The following DOCK1 variants were observed in gnomAD, a reference collection of about 807,000 sequenced individuals.
The protein encoded by DOCK1 is dedicator of cytokinesis 1, also known as dedicator of cytokinesis protein 1.
Under a neutral mutation model 262.7 loss-of-function variants are expected in DOCK1, and 138 were observed. That is an observed-to-expected ratio of 0.53 (90% CI 0.46 to 0.61). DOCK1 has a LOEUF of 0.61. Ranked by LOEUF, DOCK1 falls within the 20% of genes least tolerant of loss-of-function variation. The pLI is 0.00. For missense variants in DOCK1, 1,908 were observed against 2,370.7 expected, an observed-to-expected ratio of 0.80 and a Z score of 4.05; for synonymous variants, 866 against 867.4, an observed-to-expected ratio of 1.00 and a Z score of 0.03.
rs2069768287 is a variant in DOCK1 at position 127,437,454 on chromosome 10, G to A, written c.5061-1573G>A. Among the ~76,000 whole-genome samples, 1 of 148,114 alleles carries A rather than the reference G, an allele frequency of 6.8e-6. No homozygotes were observed. Among genetic ancestry groups the A allele is most frequent in the African/African-American group, 2.5e-5 (1 of 39,366 alleles). ...AATCAACAGTGAGCAAATCAATGGG[G>A]AGCAAGATTGCTGCAATGACCATCT... On this transcript the variant is annotated intron_variant, in intron 48 of 51. Coordinates refer to ENST00000623213, the MANE Select transcript of DOCK1 (RefSeq NM_001290223.2). The surrounding 1 kb of genome is among the most constrained non-coding windows in gnomAD (Gnocchi z 4.4).
rs530458568 is a variant in DOCK1, at chr10:127,389,291, G to A, written c.3927+4382G>A. Among the ~76,000 whole-genome samples the A allele has an allele frequency of 3.9e-5, 6 of 152,208 alleles. No individual in the cohort carries two copies. The East Asian group carries it at 5.8e-4, about 15-fold the overall frequency. ...ACAAGGCTGAGGCCTGAGTATCCCC[G>A]GCTGCTTTGGGGATGTGCCATCATT... is the stretch of plus-strand genomic sequence containing the variant. On this transcript the variant is annotated intron_variant, in intron 38 of 51. Transcript: ENST00000623213.
At chr10:127,285,310 G>C (rs1252324952) in intron 29 of DOCK1, among the ~76,000 whole-genome samples, 1 of 152,214 alleles carries the variant, frequency 6.6e-6, no homozygotes, top group Non-Finnish European at 1.5e-5. Context: ...TTAGAGCTCA[G>C]TATTAAAACA....
chr10:127,270,997 GTA>G (rs1491146187), intron 29 of DOCK1, among the ~76,000 whole-genome samples: 5,722 of 75,412 alleles, frequency 0.076, 314 homozygotes, highest in African/African-American at 0.16. Context: ...ATATATGTGT[GTA>G]TGTGTGTGTG....
At chr10:127,341,577 T>C (rs2063426640) in intron 30 of DOCK1, among the ~76,000 whole-genome samples, 1 of 152,246 alleles carries the variant, frequency 6.6e-6, no homozygotes, top group South Asian at 2.1e-4. Flanking sequence ...TTGCCATTTT[T>C]CTGGTTTTTT....
intron 5 of DOCK1, among the ~76,000 whole-genome samples, chr10:126,988,775 A>G (rs1304938717): frequency 6.6e-6 from 1 of 152,208 alleles, no homozygotes; most frequent in Non-Finnish European, 1.5e-5. Context: ...CAAAATGGCT[A>G]TAATATTTTT....
chr10:127,227,655 T>G (rs1170330694), intron 27 of DOCK1, among the ~76,000 whole-genome samples: 1 of 152,212 alleles, frequency 6.6e-6, no homozygotes, highest in East Asian at 1.9e-4. Context: ...TGCTTCAAGT[T>G]CGGTTATAAA....
At chr10:127,266,506 C>CACACACACACAT (rs1554935855) in intron 29 of DOCK1, among the ~76,000 whole-genome samples, 2 of 135,580 alleles carry the variant, frequency 1.5e-5, no homozygotes, top group Non-Finnish European at 3.3e-5. Flanking sequence ...CACACACACA[C>CACACACACACAT]ATATATATAG....
intron 44 of DOCK1, among the ~76,000 whole-genome samples, chr10:127,416,019 C>T (rs1442930524): frequency 1.3e-5 from 2 of 152,246 alleles, no homozygotes; most frequent in South Asian, 2.1e-4. Context: ...CCCCCCGAAA[C>T]ACCTGATTAT....
chr10:126,910,180 A>C (rs2031559268), intron 1 of DOCK1, among the ~76,000 whole-genome samples: 1 of 152,278 alleles, frequency 6.6e-6, no homozygotes, highest in African/African-American at 2.4e-5. Context: ...CTGGAATTGC[A>C]GCAAAACCAA....
intron 27 of DOCK1, among the ~76,000 whole-genome samples, chr10:127,238,962 G>A (rs769014917): frequency 6.6e-6 from 1 of 152,212 alleles, no homozygotes; most frequent in Non-Finnish European, 1.5e-5. Flanking sequence ...ATTTAGGGAA[G>A]CTTCAATTTC....
At chr10:127,350,073 T>A (rs1328864799) in intron 31 of DOCK1, among the ~76,000 whole-genome samples, 4 of 152,216 alleles carry the variant, frequency 2.6e-5, no homozygotes, top group Non-Finnish European at 4.4e-5. Flanking sequence ...AATAGACTTT[T>A]CTTTTCTTTT....
chr10:127,056,696 T>A (rs955922063), intron 22 of DOCK1, among the ~76,000 whole-genome samples: 5 of 152,132 alleles, frequency 3.3e-5, no homozygotes, highest in African/African-American at 9.7e-5. Context: ...CTTTCACAGT[T>A]TGACTTTATT....
intron 33 of DOCK1, among the ~76,000 whole-genome samples, chr10:127,363,811 C>T (rs1455209001): frequency 1.3e-5 from 2 of 152,166 alleles, no homozygotes; most frequent in Admixed American, 6.5e-5. Flanking sequence ...ACAGTCTCCA[C>T]ACTGTGAGTT....
intron 1 of DOCK1, among the ~76,000 whole-genome samples, chr10:126,936,217 C>T (rs2034548792): frequency 6.6e-6 from 1 of 152,206 alleles, no homozygotes; most frequent in Admixed American, 6.5e-5. Flanking sequence ...TTGGCCTCAG[C>T]TCAGGTGATC....
intron 27 of DOCK1, among the ~76,000 whole-genome samples, chr10:127,207,613 G>C (rs773342012): frequency 2.0e-5 from 3 of 152,132 alleles, no homozygotes; most frequent in Non-Finnish European, 4.4e-5. Context: ...TATTATCTAC[G>C]TGTTGATTGA....
At chr10:127,410,102 T>G (rs2067755132) in intron 42 of DOCK1, among the ~76,000 whole-genome samples, 1 of 152,266 alleles carries the variant, frequency 6.6e-6, no homozygotes, top group Admixed American at 6.5e-5. Flanking sequence ...ATCAGCTTCA[T>G]TTTGCTTCCT....
intron 32 of DOCK1, among the ~76,000 whole-genome samples, chr10:127,357,046 C>A (rs940769321): frequency 6.6e-6 from 1 of 152,008 alleles, no homozygotes; most frequent in Non-Finnish European, 1.5e-5. Context: ...TACTGAAATG[C>A]TTCCTTCTCC....
At chr10:127,021,743 C>T (rs556069693) in intron 13 of DOCK1, among the ~76,000 whole-genome samples, 348 of 152,222 alleles carry the variant, frequency 2.3e-3, no homozygotes, top group African/African-American at 8.0e-3. Flanking sequence ...GTGGTGGCAA[C>T]CCACTGGGAT....
intron 33 of DOCK1, among the ~76,000 whole-genome samples, chr10:127,370,557 T>C (rs1590745356): frequency 6.6e-6 from 1 of 152,268 alleles, no homozygotes; most frequent in South Asian, 2.1e-4. Context: ...AAACAAAAAT[T>C]ATGCGTTCCA....
Sources: allele counts gnomAD v4.1 joint callset (sites outside exome capture counted in the v4.1 genomes callset), GRCh38; gene constraint gnomAD v4.1.1; non-coding constraint Gnocchi (gnomAD v3.1); transcripts MANE v1.5; gene names NCBI Gene and HGNC (gene_info 2026-07-23, HGNC 2026-07-21).